SZT2: variants seen among roughly 807,000 people sequenced by gnomAD.
SZT2 encodes the protein SZT2 subunit of KICSTOR complex.
Under a neutral mutation model 404.2 loss-of-function variants are expected in SZT2, and 216 were observed. That is an observed-to-expected ratio of 0.53 (90% CI 0.48 to 0.60). The LOEUF is 0.60. Ranked by LOEUF, SZT2 falls within the 20% of genes least tolerant of loss-of-function variation. The probability of loss-of-function intolerance (pLI) is 0.00; values close to 1 mark genes in which losing one functional copy is unlikely to be tolerated. For synonymous variants in SZT2, 1,693 were observed against 1,749.9 expected (o/e 0.97, Z 0.81); for missense variants, 3,857 against 4,459.2 (o/e 0.86, Z 3.85).
At chr1:43,400,113 A>T (rs1431439863) in intron 1 of SZT2, among the ~76,000 whole-genome samples, 1 of 146,512 alleles carries the variant, frequency 6.8e-6, no homozygotes, top group Middle Eastern at 3.3e-3. Context: ...TAATTTTTGT[A>T]TTTTTTTTTT....
chr1:43,451,536 G>A lies in SZT2; in HGVS notation c.*1056G>A, dbSNP rs1436176772. 4.3e-6 allele frequency: 7 copies of A among 1,614,020 alleles called. No homozygotes were observed. The highest frequency in any genetic ancestry group is 3.3e-5 in the Admixed American group (2 of 60,024). ...CCTCGGCCTGGGACCTGTGCCACCTGCACATGCCCTGGGGACAGATGTGGA... is the reference window on the plus strand; with the variant it reads ...CCTCGGCCTGGGACCTGTGCCACCTACACATGCCCTGGGGACAGATGTGGA... On this transcript the variant is annotated 3_prime_UTR_variant, in exon 72 of 72. Coordinates refer to ENST00000634258, the MANE Select transcript of SZT2 (RefSeq NM_001365999.1).
chr1:43,428,776 C>G (rs1375795860), intron 28 of SZT2: 1 of 392,956 alleles, frequency 2.5e-6, no homozygotes, highest in Non-Finnish European at 4.7e-6. Context: ...GAGACTTGTT[C>G]TGAGGACATC....
chr1:43,420,691 G>T lies in SZT2; in HGVS notation c.1262-58G>T. On this transcript the variant is annotated intron_variant, in intron 9 of 71. Transcript: ENST00000634258. The surrounding 1 kb of genome is among the most constrained non-coding windows in gnomAD (Gnocchi z 5.1). Reference sequence around the variant, plus strand: ...TAGGTGGGGGTTTCAGATAGAACTCGATCCCAGGCCTAGAGTCCTATGCCT... The same window carrying T: ...TAGGTGGGGGTTTCAGATAGAACTCTATCCCAGGCCTAGAGTCCTATGCCT... 3 of 1,516,342 alleles carry T rather than the reference G, an allele frequency of 2.0e-6. No individual in the cohort carries two copies. Among genetic ancestry groups the T allele is most frequent in the South Asian group, 1.1e-5 (1 of 87,792 alleles). The allele number at this position is 1,516,342 out of a possible 1,614,324, so 93.9% of individuals were successfully genotyped here. A position where few individuals can be genotyped will look rare whatever the true frequency, so the allele number is the denominator to read the frequency against.
chr1:43,451,718 C>G lies in SZT2; in HGVS notation c.*1238C>G, dbSNP rs182196829. 2 of 1,614,114 alleles carry G rather than the reference C, an allele frequency of 1.2e-6. No individual in the cohort carries two copies. Among genetic ancestry groups the G allele is most frequent in the East Asian group, 4.5e-5 (2 of 44,876 alleles). On this transcript the variant is annotated 3_prime_UTR_variant, in exon 72 of 72. Transcript: ENST00000634258. Reference sequence around the variant, plus strand: ...CCATGATCTGCCAGTGGAATATGTCCTAGGGAAGAGGATACTACATTCCGA... The same window carrying G: ...CCATGATCTGCCAGTGGAATATGTCGTAGGGAAGAGGATACTACATTCCGA...
rs749180369 is a variant in SZT2 at position 43,419,915 on chromosome 1, G to A, written c.1061G>A (p.Gly354Glu). Reference sequence around the variant, plus strand: ...CTCCTCTATTCCTTCCTGCGCAGTGGGGAAGCACTGAACCCTGAATATTAC... The same window carrying A: ...CTCCTCTATTCCTTCCTGCGCAGTGAGGAAGCACTGAACCCTGAATATTAC... ...AFLLYSFLRS[G>E]EALNPEYYCG... Residue 354 changes from glycine to glutamate, a missense_variant, in exon 8 of 72, where the codon GGG (glycine) becomes GAG (glutamate). This residue lies in a region of SZT2 where 536 missense variants were observed against 637.4 expected (regional missense o/e 0.84). Coordinates refer to ENST00000634258, the MANE Select transcript of SZT2 (RefSeq NM_001365999.1). 2.5e-6 allele frequency: 4 copies of A among 1,598,190 alleles called. No individual in the cohort carries two copies. In the Admixed American group the frequency reaches 6.7e-5, roughly 27 times the overall value.
In SZT2 at chr1:43,420,860, G is replaced by A. The variant is rs547358307; in HGVS notation, c.1373G>A (p.Arg458Gln). 3.3e-5 allele frequency: 53 copies of A among 1,598,428 alleles called. No homozygotes were observed. In the East Asian group the frequency reaches 4.0e-4, roughly 12 times the overall value. Reference sequence around the variant, plus strand: ...GAGCCTGAGGGCCCTCGAGTAACACGGGTGGAAGTGACGATGGAAGGCGGC... The same window carrying A: ...GAGCCTGAGGGCCCTCGAGTAACACAGGTGGAAGTGACGATGGAAGGCGGC... ...PLEPEGPRVT[R>Q]VEVTMEGGYD... Residue 458 changes from arginine to glutamine, a missense_variant, in exon 10 of 72, where the codon CGG (arginine) becomes CAG (glutamine). This residue lies in a region of SZT2 where 536 missense variants were observed against 637.4 expected (regional missense o/e 0.84). Transcript: ENST00000634258. The surrounding 1 kb of genome is among the most constrained non-coding windows in gnomAD (Gnocchi z 5.1).
rs1310237835 is a variant in SZT2, at chr1:43,437,921, G to C, written c.6508+19G>C. The C allele has an allele frequency of 3.1e-6, 5 of 1,613,054 alleles. No homozygotes were observed. The South Asian group carries it at 3.3e-5, about 11-fold the overall frequency. On this transcript the variant is annotated intron_variant, in intron 46 of 71. Transcript: ENST00000634258. This position sits in a 1 kb window ranked among gnomAD's most constrained non-coding sequence, Gnocchi z 5.3. ...CAGGCAGGTAAGGTCTGAGGAGGGG[G>C]TAGGGGAGTCGCCACATGAGGTTCC...
In SZT2 at chr1:43,416,955, C is replaced by T. The variant is rs979960028; in HGVS notation, c.879+314C>T. Among the ~76,000 whole-genome samples the T allele has an allele frequency of 3.3e-5, 5 of 152,156 alleles. No homozygotes were observed. In the East Asian group the frequency reaches 7.7e-4, roughly 23 times the overall value. On this transcript the variant is annotated intron_variant, in intron 7 of 71. Coordinates refer to ENST00000634258, the MANE Select transcript of SZT2 (RefSeq NM_001365999.1). ...TTTGAGTGCAAGGGTCAGAAAACCC[C>T]GCTCAAACTAGCTTAACCAAAGGGG...
At chr1:43,392,223 CAT>C (rs1648470923) in intron 1 of SZT2, among the ~76,000 whole-genome samples, 3 of 150,368 alleles carry the variant, frequency 2.0e-5, no homozygotes, top group Admixed American at 6.7e-5. Flanking sequence ...AGATATTTAA[CAT>C]TTTTTTTGGT....
rs2153935427 is a variant in SZT2, at chr1:43,439,635, A to T, written c.6908A>T (p.Asp2303Val). The T allele has an allele frequency of 6.2e-7, 1 of 1,613,888 alleles. No homozygotes were observed. Among genetic ancestry groups the T allele is most frequent in the East Asian group, 2.2e-5 (1 of 44,876 alleles). The part of the protein sequence containing the change: ...GVACITLAFV[D>V]EGGAPLSLAL... ...GCCTGCATCACTCTAGCCTTTGTGG[A>T]TGAAGGAGGGGCCCCCTTGTCACTG... The change falls in exon 50 of 72, where the codon GAT becomes GTT. Residue 2303 changes from aspartate (D) to valine (V), a missense_variant. By Grantham distance (152) the Asp-to-Val change is radical. Coordinates refer to ENST00000634258, the MANE Select transcript of SZT2 (RefSeq NM_001365999.1). This position sits in a 1 kb window ranked among gnomAD's most constrained non-coding sequence, Gnocchi z 4.2.
Position 43,442,149 on chromosome 1 carries a change from G to T in SZT2, c.7873+19G>T, listed in dbSNP as rs751434888. 1 of 1,592,542 alleles carries T rather than the reference G, an allele frequency of 6.3e-7. No homozygotes were observed. Among genetic ancestry groups the T allele is most frequent in the Non-Finnish European group, 8.6e-7 (1 of 1,162,418 alleles). ...CAGCAGGGTGAGGGCATGGCCCGGGGGGGCGGGGGGCGGGTAGGCTAAGAG... is the reference window on the plus strand; with the variant it reads ...CAGCAGGGTGAGGGCATGGCCCGGGTGGGCGGGGGGCGGGTAGGCTAAGAG... On this transcript the variant is annotated intron_variant, in intron 56 of 71. Transcript: ENST00000634258. This position sits in a 1 kb window ranked among gnomAD's most constrained non-coding sequence, Gnocchi z 4.5.
intron 62 of SZT2, 136 bp from the exon 63 acceptor site, chr1:43,445,758 C>T (rs1244528576): frequency 9.5e-6 from 8 of 844,336 alleles, no homozygotes; most frequent in Non-Finnish European, 1.6e-5. Context: ...CCAGCCTTGC[C>T]ACTCACAGTG....
Position 43,424,815 on chromosome 1 carries a change from T to G in SZT2, c.2503T>G (p.Cys835Gly), listed in dbSNP as rs756851114. ...VRLSEGFHFA[C>G]SGEGIINMVL... Reference sequence around the variant, plus strand: ...ACTTTCTGAAGGATTCCACTTCGCCTGCAGTGGGGAAGGAATCATCAACAT... The same window carrying G: ...ACTTTCTGAAGGATTCCACTTCGCCGGCAGTGGGGAAGGAATCATCAACAT... Residue 835 changes from cysteine (C) to glycine (G), a missense_variant, in exon 17 of 72, where the codon TGC becomes GGC. Cys to Gly is a radical substitution (Grantham distance 159). Transcript: ENST00000634258. The surrounding 1 kb of genome is among the most constrained non-coding windows in gnomAD (Gnocchi z 4.1). 1 of 1,614,064 alleles carries G rather than the reference T, an allele frequency of 6.2e-7. No homozygotes were observed.
chr1:43,392,656 G>T lies in SZT2; in HGVS notation c.27+2661G>T, dbSNP rs554461023. Among the ~76,000 whole-genome samples the T allele has an allele frequency of 3.9e-5, 6 of 152,242 alleles. No individual in the cohort carries two copies. The East Asian group carries it at 9.7e-4, about 25-fold the overall frequency. On this transcript the variant is annotated intron_variant, in intron 1 of 71. Transcript: ENST00000634258. ...TCTCAATCTCCTGTCCTCGTGATCC[G>T]CCTGCCTCGGCTTCCCAAAGTGCTG...
Position 43,453,635 on chromosome 1 carries a change from T to C in SZT2, c.*3155T>C. Reference sequence around the variant, plus strand: ...TCAGTACAAGCCGCAGCCCCGCTTCTCGCGCGGCGCGCGCCAGCGCCTCAG... The same window carrying C: ...TCAGTACAAGCCGCAGCCCCGCTTCCCGCGCGGCGCGCGCCAGCGCCTCAG... On this transcript the variant is annotated 3_prime_UTR_variant, in exon 72 of 72. Transcript: ENST00000634258. 6.7e-7 allele frequency: 1 copy of C among 1,492,528 alleles called. No homozygotes were observed. The highest frequency in any genetic ancestry group is 8.9e-7 in the Non-Finnish European group (1 of 1,127,616). The allele number at this position is 1,492,528 out of a possible 1,614,324, so 92.5% of individuals were successfully genotyped here.
chr1:43,399,424 C>A (rs937579553), intron 1 of SZT2, among the ~76,000 whole-genome samples: 1 of 150,370 alleles, frequency 6.7e-6, no homozygotes, highest in African/African-American at 2.4e-5. Flanking sequence ...TGTTAGTCTG[C>A]GGTGGGAGGG....
rs772938776 is a variant in SZT2, at chr1:43,447,108, C to T, written c.9226C>T (p.Arg3076Ter). 8.1e-6 allele frequency: 13 copies of T among 1,613,834 alleles called. No homozygotes were observed. The highest frequency in any genetic ancestry group is 1.7e-5 in the Admixed American group (1 of 60,014). ...RHGYHLTTFL[R>*]HFLAHHPDGP... ...CGGCTACCACCTCACCACCTTTCTGCGACACTTCCTGGCCCACCACCCTGA... is the reference window on the plus strand; with the variant it reads ...CGGCTACCACCTCACCACCTTTCTGTGACACTTCCTGGCCCACCACCCTGA... Residue 3076 changes from arginine to a stop codon, truncating the protein, a stop_gained, in exon 66 of 72, where the codon CGA becomes TGA. Coordinates refer to ENST00000634258, the MANE Select transcript of SZT2 (RefSeq NM_001365999.1). LOFTEE classifies it high-confidence loss of function.
chr1:43,429,858 G>T lies in SZT2; in HGVS notation c.4308+14G>T, dbSNP rs756730843. The T allele has an allele frequency of 1.2e-6, 2 of 1,614,008 alleles. No individual in the cohort carries two copies. The highest frequency in any genetic ancestry group is 2.2e-5 in the South Asian group (2 of 91,082). ...AGCGTCATCCAGGTGGGAAGCTTGG[G>T]TGAGGGTAGAAGAGGTGTTAGAGTC... On this transcript the variant is annotated intron_variant, in intron 29 of 71. Transcript: ENST00000634258.
rs1447800224 is a variant in SZT2 at position 43,446,961 on chromosome 1, A to G, written c.9079A>G (p.Met3027Val). ...CCTGCTGCTGCCTCCCCAGCTGTCCATGCTGTTCACAGAGGAGTGTGACAA... is the reference window on the plus strand; with the variant it reads ...CCTGCTGCTGCCTCCCCAGCTGTCCGTGCTGTTCACAGAGGAGTGTGACAA... Reference protein sequence around the residue: ...MGQAVNSQLSMLFTEECDKVR... With the variant: ...MGQAVNSQLSVLFTEECDKVR... The change falls in exon 66 of 72, where the codon ATG (methionine) becomes GTG (valine). Residue 3027 changes from methionine to valine, a missense_variant. By Grantham distance (21) the Met-to-Val change is conservative. Coordinates refer to ENST00000634258, the MANE Select transcript of SZT2 (RefSeq NM_001365999.1). 4 of 1,610,690 alleles carry G rather than the reference A, an allele frequency of 2.5e-6. No individual in the cohort carries two copies. The highest frequency in any genetic ancestry group is 1.6e-4 in the Middle Eastern group (1 of 6,068).
Sources: allele counts gnomAD v4.1 joint callset (sites outside exome capture counted in the v4.1 genomes callset), GRCh38; gene constraint gnomAD v4.1.1; regional missense constraint gnomAD v4.1.1; non-coding constraint Gnocchi (gnomAD v3.1); transcripts MANE v1.5; gene names NCBI Gene and HGNC (gene_info 2026-07-23, HGNC 2026-07-21).